Variants in AGBL4 observed in about 807,000 individuals in gnomAD.
The protein encoded by AGBL4 is AGBL carboxypeptidase 4.
Under a neutral mutation model 66.4 loss-of-function variants are expected in AGBL4, and 58 were observed. That is an observed-to-expected ratio of 0.87 (90% CI 0.71 to 1.09). AGBL4 has a LOEUF of 1.09. Among genes scored for constraint, AGBL4 ranks in the 50% least tolerant of loss-of-function variants. The pLI, the probability that AGBL4 is intolerant of heterozygous loss-of-function variation, is 0.00. For synonymous variants in AGBL4, 234 were observed against 222.9 expected, an observed-to-expected ratio of 1.05 and a Z score of -0.44; for missense variants, 579 against 631.0, an observed-to-expected ratio of 0.92 and a Z score of 0.88.
chr1:50,020,530 T>C (rs1380574511), intron 1 of AGBL4, among the ~76,000 whole-genome samples: 1 of 152,198 alleles, frequency 6.6e-6, no homozygotes, highest in African/African-American at 2.4e-5. Context: ...TTTCACCTTG[T>C]TAGAATATGC....
rs377260937 is a variant in AGBL4 at position 49,604,647 on chromosome 1, T to C, written c.282+92666A>G. On this transcript the variant is annotated intron_variant, in intron 3 of 13. Transcript: ENST00000371839. ...GGTCTTAATTTTTTGAATCATTTTA[T>C]GGATTTGTCCAACAATACAAAATAT... 5.3e-5 allele frequency among the ~76,000 whole-genome samples: 8 copies of C among 152,140 alleles called. No individual in the cohort carries two copies. In the East Asian group the frequency reaches 1.2e-3, roughly 22 times the overall value.
intron 6 of AGBL4, among the ~76,000 whole-genome samples, chr1:48,664,269 T>C (rs1339645381): frequency 6.6e-6 from 1 of 152,162 alleles, no homozygotes; most frequent in Non-Finnish European, 1.5e-5. Context: ...TGATTCTTTG[T>C]TGGATGTGCA....
intron 4 of AGBL4, among the ~76,000 whole-genome samples, chr1:49,139,694 G>C (rs1646081153): frequency 6.6e-6 from 1 of 152,128 alleles, no homozygotes; most frequent in African/African-American, 2.4e-5. Context: ...ATGAATATGA[G>C]GATAACAATA....
intron 1 of AGBL4, among the ~76,000 whole-genome samples, chr1:49,892,453 GC>G (rs1338530139): frequency 6.6e-6 from 1 of 152,124 alleles, no homozygotes; most frequent in African/African-American, 2.4e-5. Context: ...TTAAGCACAT[GC>G]AAATTATTGC....
chr1:48,756,066 C>A (rs1179942687), intron 6 of AGBL4, among the ~76,000 whole-genome samples: 2 of 152,178 alleles, frequency 1.3e-5, no homozygotes, highest in Non-Finnish European at 2.9e-5. Flanking sequence ...CAGGAGCTAA[C>A]AGTAATCAAG....
chr1:49,120,647 A>T (rs765405954), intron 4 of AGBL4, among the ~76,000 whole-genome samples: 2 of 151,700 alleles, frequency 1.3e-5, no homozygotes, highest in African/African-American at 2.4e-5. Flanking sequence ...TGGTGCCTTA[A>T]CATTTCAACC....
At chr1:49,326,154 T>C (rs931957943) in intron 3 of AGBL4, among the ~76,000 whole-genome samples, 2 of 152,218 alleles carry the variant, frequency 1.3e-5, no homozygotes, top group Non-Finnish European at 2.9e-5. Flanking sequence ...AGAACTTCCT[T>C]TAGTCTTTCT....
chr1:49,071,693 T>A (rs936076279), intron 4 of AGBL4, among the ~76,000 whole-genome samples: 1 of 151,928 alleles, frequency 6.6e-6, no homozygotes, highest in Non-Finnish European at 1.5e-5. Context: ...ATAAGTGCAA[T>A]GTGGTGCTGA....
At chr1:49,894,958 G>T (rs1348839993) in intron 1 of AGBL4, among the ~76,000 whole-genome samples, 1 of 151,968 alleles carries the variant, frequency 6.6e-6, no homozygotes, top group Non-Finnish European at 1.5e-5. Flanking sequence ...CTATGCCAAG[G>T]CAATTAATAA....
At chr1:48,947,083 A>C (rs148726994) in intron 5 of AGBL4, among the ~76,000 whole-genome samples, 1 of 152,050 alleles carries the variant, frequency 6.6e-6, no homozygotes, top group East Asian at 1.9e-4. Flanking sequence ...TCTCTTTCCT[A>C]TCTGCACCTT....
intron 3 of AGBL4, among the ~76,000 whole-genome samples, chr1:49,656,842 T>C (rs1008409669): frequency 1.3e-5 from 2 of 152,224 alleles, no homozygotes; most frequent in African/African-American, 2.4e-5. Flanking sequence ...AATTCGGCAT[T>C]GATGGGACAT....
intron 4 of AGBL4, among the ~76,000 whole-genome samples, chr1:49,198,864 C>T (rs912312852): frequency 2.6e-5 from 4 of 151,998 alleles, no homozygotes; most frequent in South Asian, 2.1e-4. Flanking sequence ...ATATTTGGCC[C>T]GTCTACCTAT....
intron 5 of AGBL4, among the ~76,000 whole-genome samples, chr1:48,995,276 C>T (rs1418727445): frequency 1.3e-5 from 2 of 152,186 alleles, no homozygotes; most frequent in African/African-American, 2.4e-5. Context: ...CCTATCACAA[C>T]CTCTGGGCTT....
chr1:49,282,262 G>A (rs756085192), intron 3 of AGBL4, among the ~76,000 whole-genome samples: 1 of 152,110 alleles, frequency 6.6e-6, no homozygotes, highest in South Asian at 2.1e-4. Context: ...ATGAACTGCA[G>A]GTCTGCTTTT....
chr1:49,878,353 T>C, intron 1 of AGBL4, among the ~76,000 whole-genome samples: 1 of 149,450 alleles, frequency 6.7e-6, no homozygotes, highest in African/African-American at 2.5e-5. Flanking sequence ...GATTCTGGTA[T>C]GTTGTGTCTT....
intron 6 of AGBL4, among the ~76,000 whole-genome samples, chr1:48,841,164 C>G (rs1646789479): frequency 6.6e-6 from 1 of 152,096 alleles, no homozygotes; most frequent in Admixed American, 6.6e-5. Context: ...AGGGTGATGG[C>G]ACTGTTCTGT....
intron 3 of AGBL4, among the ~76,000 whole-genome samples, chr1:49,389,671 A>G (rs1175875717): frequency 6.6e-6 from 1 of 152,074 alleles, no homozygotes; most frequent in South Asian, 2.1e-4. Context: ...GCCACCACAG[A>G]CTTCTTGAAT....
At chr1:49,875,084 T>C (rs547675475) in intron 1 of AGBL4, among the ~76,000 whole-genome samples, 18 of 150,358 alleles carry the variant, frequency 1.2e-4, no homozygotes, top group African/African-American at 4.1e-4. Context: ...TATTTGGTTT[T>C]TTTGTTCTTG....
At chr1:49,083,024 C>T (rs1424810720) in intron 4 of AGBL4, among the ~76,000 whole-genome samples, 1 of 152,228 alleles carries the variant, frequency 6.6e-6, no homozygotes, top group Non-Finnish European at 1.5e-5. Flanking sequence ...CCCCATGTCT[C>T]ACATTCAGGT....
Sources: gnomAD v4.1 joint callset for allele counts (sites outside exome capture counted in the v4.1 genomes callset) on GRCh38, gnomAD v4.1.1 for gene constraint, MANE v1.5 for transcripts, NCBI Gene and HGNC (gene_info 2026-07-23, HGNC 2026-07-21) for gene names.